MTRF1: variants seen among roughly 807,000 people sequenced by gnomAD.
MTRF1 encodes peptide chain release factor 1, mitochondrial.
A neutral mutation model predicts 62.9 loss-of-function variants in MTRF1; 51 were observed. The ratio of observed to expected loss-of-function variants is 0.81; its 90% CI spans 0.65 to 1.02. MTRF1 has a LOEUF of 1.02. Ranked by LOEUF, MTRF1 falls within the 50% of genes least tolerant of loss-of-function variation. The pLI is 0.00. For synonymous variants in MTRF1, 158 were observed against 181.9 expected, an observed-to-expected ratio of 0.87 and a Z score of 1.06; for missense variants, 446 against 530.0, an observed-to-expected ratio of 0.84 and a Z score of 1.56.
the MTRF1 span, among the ~76,000 whole-genome samples, chr13:41,272,522 G>A: frequency 6.6e-6 from 1 of 151,986 alleles, no homozygotes; most frequent in Non-Finnish European, 1.5e-5. Context: ...AGGTAGAGTT[G>A]GTCAAATCTG....
rs2033161869 is a variant in MTRF1, at chr13:41,220,761, G to C, written c.1224+2495C>G. ...CTTCTCACTGAAGATGCTTTCTCTTGGTGGCTGAAAATGTGGCCTCTAACC... is the reference window on the plus strand; with the variant it reads ...CTTCTCACTGAAGATGCTTTCTCTTCGTGGCTGAAAATGTGGCCTCTAACC... On this transcript the variant is annotated intron_variant, in intron 9 of 9. Transcript: ENST00000379480. 108 of 429,868 alleles carry C rather than the reference G, an allele frequency of 2.5e-4. 2 individuals carry two copies. The highest frequency in any genetic ancestry group is 2.0e-3 in the South Asian group (107 of 54,048). 26.6% of individuals were successfully genotyped at this position (429,868 alleles called of 1,614,324 possible).
chr13:41,221,852 T>G (rs1161011485), intron 9 of MTRF1, among the ~76,000 whole-genome samples: 1 of 152,076 alleles, frequency 6.6e-6, no homozygotes, highest in South Asian at 2.1e-4. Flanking sequence ...TGAAAGAACA[T>G]AGTGTAATTA....
At chr13:41,223,127 G>A in intron 9 of MTRF1, 129 bp downstream of exon 9, 1 of 565,484 alleles carries the variant, frequency 1.8e-6, no homozygotes, top group Non-Finnish European at 2.9e-6. Context: ...AAATTTTAGG[G>A]TGGCTTAATG....
rs765142306 is a variant in MTRF1, at chr13:41,252,745, G to A, written c.597C>T (p.Ile199=). 2 of 1,613,050 alleles carry A rather than the reference G, an allele frequency of 1.2e-6. No homozygotes were observed. The highest frequency in any genetic ancestry group is 2.7e-5 in the African/African-American group (2 of 74,886). Residue 199 remains isoleucine, a synonymous_variant, in exon 5 of 10, where the codon ATC becomes ATT. Transcript: ENST00000379480. ...VTAGRTTGGD[I]CQQFTREIFD... ...ATATTTCTCGGGTAAATTGTTGGCA[G>A]ATGTCACCTAAAACAAAATACGAAA...
At chr13:41,238,350 A>G (rs927645374) in intron 6 of MTRF1, among the ~76,000 whole-genome samples, 2 of 152,230 alleles carry the variant, frequency 1.3e-5, no homozygotes, top group Non-Finnish European at 2.9e-5. Flanking sequence ...TTTGAAGGTA[A>G]AGAAGAATAG....
At chr13:41,296,194 C>T in the MTRF1 span, among the ~76,000 whole-genome samples, 2 of 152,142 alleles carry the variant, frequency 1.3e-5, no homozygotes, top group Admixed American at 6.5e-5. Flanking sequence ...AATCATTCTG[C>T]CTTGACCTCT....
chr13:41,265,839 G>GTTTTCTGT (rs994322219), upstream of MTRF1, among the ~76,000 whole-genome samples: 4 of 152,040 alleles, frequency 2.6e-5, no homozygotes, highest in African/African-American at 2.4e-5. Flanking sequence ...CCAGCTGGTG[G>GTTTTCTGT]TTTTTTGTTT....
chr13:41,221,526 TTTTTCATGCTG>T (rs1162099476), intron 9 of MTRF1, among the ~76,000 whole-genome samples: 2 of 152,182 alleles, frequency 1.3e-5, no homozygotes, highest in Non-Finnish European at 2.9e-5. Flanking sequence ...ACAGCTACCT[TTTTTCATGCTG>T]TTTTCAAACT....
the MTRF1 span, among the ~76,000 whole-genome samples, chr13:41,269,185 G>GTTT: frequency 0.27 from 25,780 of 96,022 alleles, 3,851 homozygotes; most frequent in South Asian, 0.41. Flanking sequence ...CTTTTACCTT[G>GTTT]TTTTTTTTTT....
the MTRF1 span, among the ~76,000 whole-genome samples, chr13:41,285,418 A>T: frequency 5.3e-5 from 8 of 152,314 alleles, 1 homozygote; most frequent in Middle Eastern, 0.017. Context: ...AGCTGGCAGG[A>T]ATTCAGAGTG....
intron 8 of MTRF1, 63 bp downstream of exon 8, chr13:41,226,368 AT>A: frequency 2.7e-6 from 4 of 1,509,144 alleles, no homozygotes; most frequent in Non-Finnish European, 3.6e-6. Context: ...CAAACACTGC[AT>A]TCTCTACAGA....
chr13:41,304,856 C>G, the MTRF1 span, among the ~76,000 whole-genome samples: 1 of 152,188 alleles, frequency 6.6e-6, no homozygotes, highest in Non-Finnish European at 1.5e-5. Context: ...CATGTGTGAT[C>G]TCTAATCAGC....
chr13:41,292,121 AAGAG>A, the MTRF1 span, among the ~76,000 whole-genome samples: 43 of 152,202 alleles, frequency 2.8e-4, no homozygotes, highest in Admixed American at 2.6e-3. Context: ...AAGCTGAAAG[AAGAG>A]AGAGAGAGCG....
chr13:41,243,047 T>C (rs949508635), intron 5 of MTRF1, among the ~76,000 whole-genome samples: 1 of 151,956 alleles, frequency 6.6e-6, no homozygotes, highest in African/African-American at 2.4e-5. Flanking sequence ...GATGAAACCA[T>C]GTCTCTACTA....
the MTRF1 span, among the ~76,000 whole-genome samples, chr13:41,305,792 T>C: frequency 2.6e-5 from 4 of 152,254 alleles, no homozygotes; most frequent in Non-Finnish European, 5.9e-5. Context: ...TTCTCATTCC[T>C]GTGTACTTGG....
At chr13:41,291,715 A>G in the MTRF1 span, among the ~76,000 whole-genome samples, 1 of 152,166 alleles carries the variant, frequency 6.6e-6, no homozygotes, top group African/African-American at 2.4e-5. Flanking sequence ...ACAGATAAGC[A>G]AACAGAACAG....
the MTRF1 span, among the ~76,000 whole-genome samples, chr13:41,289,436 C>T: frequency 6.6e-6 from 1 of 151,994 alleles, no homozygotes; most frequent in South Asian, 2.1e-4. Context: ...TGGGGTTTTG[C>T]CATATTGGCC....
At chr13:41,282,582 T>C in the MTRF1 span, among the ~76,000 whole-genome samples, 1 of 152,248 alleles carries the variant, frequency 6.6e-6, no homozygotes, top group South Asian at 2.1e-4. Flanking sequence ...AGGTAGTCTT[T>C]GAATGCTAGT....
At chr13:41,286,740 TG>T in the MTRF1 span, among the ~76,000 whole-genome samples, 2 of 152,224 alleles carry the variant, frequency 1.3e-5, no homozygotes, top group African/African-American at 4.8e-5. Context: ...ATCAGAGTTC[TG>T]TTCGAAATCT....
Sources: gnomAD v4.1 joint callset for allele counts (sites outside exome capture counted in the v4.1 genomes callset) on GRCh38, gnomAD v4.1.1 for gene constraint, MANE v1.5 for transcripts, NCBI Gene and HGNC (gene_info 2026-07-23, HGNC 2026-07-21) for gene names.